ZNF225: variants seen among roughly 807,000 people sequenced by gnomAD.
ZNF225 encodes the protein zinc finger protein 225.
Under a neutral mutation model 12.0 loss-of-function variants are expected in ZNF225, and 6 were observed. The ratio of observed to expected loss-of-function variants is 0.50; its 90% CI spans 0.27 to 0.98. ZNF225 has a LOEUF of 0.98. Among genes scored for constraint, ZNF225 ranks in the 50% least tolerant of loss-of-function variants. The pLI is 0.11. For synonymous variants in ZNF225, 271 were observed against 283.2 expected, an observed-to-expected ratio of 0.96 and a Z score of 0.43; for missense variants, 763 against 848.2, an observed-to-expected ratio of 0.90 and a Z score of 1.25.
chr19:44,118,395 A>G, intron 3 of ZNF225, 81 bp downstream of exon 3: 1 of 1,610,888 alleles, frequency 6.2e-7, no homozygotes, highest in Non-Finnish European at 8.5e-7. Context: ...TTGAGTATGC[A>G]TTGGGAACCT....
At position 44,132,573 on chromosome 19, in the gene ZNF225, A is replaced by G. The variant is rs772895266; in HGVS notation, c.1959A>G (p.Gln653=). The G allele has an allele frequency of 3.7e-6, 6 of 1,614,014 alleles. No individual in the cohort carries two copies. Among genetic ancestry groups the G allele is most frequent in the African/African-American group, 2.7e-5 (2 of 74,924 alleles). Residue 653 remains glutamine (Q), a synonymous_variant, in exon 5 of 5, where the codon CAA becomes CAG. Transcript: ENST00000262894. ...TCCACAGTAGAGAAAAACTACTTCA[A>G]TGTGAGGACTGTGGGAAGAGCATTG... is the stretch of plus-strand genomic sequence containing the variant. ...QRLHSREKLL[Q]CEDCGKSIVH... is the part of the protein sequence containing the mutation.
Position 44,119,247 on chromosome 19 carries a change from C to T in ZNF225, c.235+673C>T, listed in dbSNP as rs112063240. The stretch of plus-strand genomic sequence containing the variant: ...CCCTTTTGCCTTGTCCTTCCAGCCA[C>T]GTTGTCCTCCCTACCGTTTCTCTGA... On this transcript the variant is annotated intron_variant, in intron 4 of 4. Transcript: ENST00000262894. 4.4e-4 allele frequency among the ~76,000 whole-genome samples: 67 copies of T among 152,318 alleles called. 1 individual carries two copies. Among genetic ancestry groups the T allele is most frequent in the African/African-American group, 1.5e-3 (62 of 41,582 alleles).
chr19:44,127,647 T>G (rs1403175432), intron 4 of ZNF225, among the ~76,000 whole-genome samples: 1 of 152,100 alleles, frequency 6.6e-6, no homozygotes, highest in Non-Finnish European at 1.5e-5. Flanking sequence ...TTTCTTTATT[T>G]TATTTTATTT....
intron 4 of ZNF225, among the ~76,000 whole-genome samples, chr19:44,122,930 A>G (rs1968082691): frequency 2.6e-5 from 4 of 152,170 alleles, no homozygotes; most frequent in Admixed American, 2.6e-4. Flanking sequence ...GTAGATGATC[A>G]TATCATTAGC....
At chr19:44,118,056 AGTCTGTGT>A in intron 2 of ZNF225, 124 bp from the exon 3 acceptor site, 2 of 822,444 alleles carry the variant, frequency 2.4e-6, no homozygotes, top group Non-Finnish European at 3.4e-6. Flanking sequence ...TAAAAAAGGA[AGTCTGTGT>A]GTTGACCTAT....
chr19:44,134,404 CCT>C lies in ZNF225; in HGVS notation c.*1673_*1674del, dbSNP rs1968349809. The C allele has an allele frequency of 6.6e-6, 1 of 152,150 alleles. No homozygotes were observed. Among genetic ancestry groups the C allele is most frequent in the African/African-American group, 2.4e-5 (1 of 41,432 alleles). The allele number at this position is 152,150 out of a possible 1,614,324, so 9.4% of individuals were successfully genotyped here. On this transcript the variant is annotated 3_prime_UTR_variant, in exon 5 of 5. Transcript: ENST00000262894. Reference sequence around the variant, plus strand: ...CTACCAGTTATGGAATGGTGGCAACCCTCTCAAACTCCGTGTTTCCTAACACC... The same window carrying C: ...CTACCAGTTATGGAATGGTGGCAACCCTCAAACTCCGTGTTTCCTAACACC...
chr19:44,123,364 C>A (rs952642717), intron 4 of ZNF225, among the ~76,000 whole-genome samples: 2 of 152,104 alleles, frequency 1.3e-5, no homozygotes, highest in Non-Finnish European at 1.5e-5. Flanking sequence ...GATGGATTAT[C>A]TTTTTGATAT....
chr19:44,113,840 G>A (rs572850284), intron 1 of ZNF225, among the ~76,000 whole-genome samples: 2 of 152,312 alleles, frequency 1.3e-5, no homozygotes, highest in South Asian at 4.2e-4. Context: ...CATCCTAATA[G>A]AATCGTTTTG....
At chr19:44,114,420 G>T (rs560961974) in intron 1 of ZNF225, among the ~76,000 whole-genome samples, 21 of 152,300 alleles carry the variant, frequency 1.4e-4, no homozygotes, top group African/African-American at 5.1e-4. Flanking sequence ...TTTGGTCAAA[G>T]ATGTTCATTT....
intron 4 of ZNF225, 67 bp downstream of exon 4, chr19:44,118,641 C>A: frequency 6.7e-7 from 1 of 1,487,102 alleles, no homozygotes. Context: ...TGTCCATTGC[C>A]CAGCTCTGTT....
In ZNF225 at chr19:44,132,614, T is replaced by G; in HGVS notation, c.2000T>G (p.Leu667Arg). The G allele has an allele frequency of 6.2e-7, 1 of 1,613,948 alleles. No homozygotes were observed. Among genetic ancestry groups the G allele is most frequent in the Non-Finnish European group, 8.5e-7 (1 of 1,179,964 alleles). Residue 667 changes from leucine (L) to arginine (R), a missense_variant, in exon 5 of 5, where the codon CTT (leucine) becomes CGT (arginine). Coordinates refer to ENST00000262894, the MANE Select transcript of ZNF225 (RefSeq NM_013362.4). ...CGKSIVHSSC[L>R]KDQQRDQSGE... ...AAGAGCATTGTGCACAGTTCATGCCTTAAAGACCAACAAAGAGACCAAAGT... is the reference window on the plus strand; with the variant it reads ...AAGAGCATTGTGCACAGTTCATGCCGTAAAGACCAACAAAGAGACCAAAGT...
intron 2 of ZNF225, among the ~76,000 whole-genome samples, chr19:44,116,985 A>G (rs952229317): frequency 2.6e-5 from 4 of 151,842 alleles, no homozygotes; most frequent in Non-Finnish European, 4.4e-5. Flanking sequence ...TTTTTACAGG[A>G]TTGGTATTAA....
At position 44,132,746 on chromosome 19, in the gene ZNF225, C is replaced by A; in HGVS notation, c.*11C>A. On this transcript the variant is annotated 3_prime_UTR_variant, in exon 5 of 5. Transcript: ENST00000262894. ...TTAAATGACACATAACTGTTGTACT[C>A]ATTTATGGGGTACAGTGTGATAGTT... is the stretch of plus-strand genomic sequence containing the variant. 6.4e-7 allele frequency: 1 copy of A among 1,554,196 alleles called. No homozygotes were observed. The highest frequency in any genetic ancestry group is 8.7e-7 in the Non-Finnish European group (1 of 1,150,756).
upstream of ZNF225, chr19:44,113,196 G>C (rs1456947343): frequency 6.6e-6 from 1 of 152,602 alleles, no homozygotes; most frequent in Non-Finnish European, 1.5e-5. Context: ...TAGTCCAGAC[G>C]CTCAGTGGAG....
chr19:44,129,260 A>G (rs1207523642), intron 4 of ZNF225: 2 of 465,904 alleles, frequency 4.3e-6, no homozygotes, highest in East Asian at 7.2e-5. Flanking sequence ...TTAAAGTGAC[A>G]GCTCACAGAA....
rs1249941245 is a variant in ZNF225 at position 44,113,410 on chromosome 19, G to A, written c.-228G>A. 1 of 152,216 alleles carries A rather than the reference G, an allele frequency of 6.6e-6. No individual in the cohort carries two copies. Among genetic ancestry groups the A allele is most frequent in the Non-Finnish European group, 1.5e-5 (1 of 68,096 alleles). The allele number at this position is 152,216 out of a possible 1,614,324, so 9.4% of individuals were successfully genotyped here. ...GAGTCCAGACACTCAGTGGAGTAGC[G>A]GGCCACTTCCGCTCCGTTACTGTGA... On this transcript the variant is annotated 5_prime_UTR_variant, in exon 1 of 5. Transcript: ENST00000262894.
chr19:44,125,160 C>G (rs771530293), intron 4 of ZNF225, among the ~76,000 whole-genome samples: 8 of 152,072 alleles, frequency 5.3e-5, no homozygotes, highest in Admixed American at 2.0e-4. Flanking sequence ...TAAAGAGGTT[C>G]TGTTTTGATG....
Position 44,132,331 on chromosome 19 carries a change from T to C in ZNF225, c.1717T>C (p.Cys573Arg), listed in dbSNP as rs1321447043. 4 of 1,614,036 alleles carry C rather than the reference T, an allele frequency of 2.5e-6. No homozygotes were observed. In the East Asian group the frequency reaches 6.7e-5, roughly 27 times the overall value. The change falls in exon 5 of 5, where the codon TGT becomes CGT. Residue 573 changes from cysteine (C) to arginine (R), a missense_variant. By Grantham distance (180) the Cys-to-Arg change is radical. Coordinates refer to ENST00000262894, the MANE Select transcript of ZNF225 (RefSeq NM_013362.4). ...AGAGAGACCTTATAATTGTAAAGAATGTGGGAAGAGCTTTAGCCGGGCCTC... is the reference window on the plus strand; with the variant it reads ...AGAGAGACCTTATAATTGTAAAGAACGTGGGAAGAGCTTTAGCCGGGCCTC... ...TGERPYNCKE[C>R]GKSFSRASSI...
chr19:44,126,840 G>A (rs1968156689), intron 4 of ZNF225, among the ~76,000 whole-genome samples: 1 of 152,142 alleles, frequency 6.6e-6, no homozygotes, highest in Admixed American at 6.5e-5. Flanking sequence ...GCAGTCATAG[G>A]CCTCACCCAG....
Sources: allele counts gnomAD v4.1 joint callset (sites outside exome capture counted in the v4.1 genomes callset), GRCh38; gene constraint gnomAD v4.1.1; transcripts MANE v1.5; gene names NCBI Gene and HGNC (gene_info 2026-07-23, HGNC 2026-07-21).